Variants in MALRD1 observed in about 807,000 individuals in gnomAD.
MALRD1 encodes MAM and LDL receptor class A domain containing 1, also known as MAM and LDL-receptor class A domain-containing protein 1.
Under a neutral mutation model 242.1 loss-of-function variants are expected in MALRD1, and 247 were observed. That is an observed-to-expected ratio of 1.02 (90% CI 0.92 to 1.13). The LOEUF (loss-of-function observed/expected upper bound fraction) is 1.13, where lower values mean the gene tolerates loss of function less well. Ranked by LOEUF, MALRD1 falls within the 50% of genes most tolerant of loss-of-function variation. MALRD1 has a pLI of 0.00. For synonymous variants in MALRD1, 995 were observed against 866.6 expected, an observed-to-expected ratio of 1.15 and a Z score of -2.60; for missense variants, 2,989 against 2,533.1, an observed-to-expected ratio of 1.18 and a Z score of -3.86.
intron 31 of MALRD1, among the ~76,000 whole-genome samples, chr10:19,530,368 TA>T (rs1260694794): frequency 9.2e-6 from 1 of 108,644 alleles, no homozygotes; most frequent in Non-Finnish European, 1.6e-5. Flanking sequence ...TTTATATAAA[TA>T]TTTATATAAA....
At chr10:19,355,858 T>TATATATATATATATATATAGATA (rs57813656) in intron 26 of MALRD1, among the ~76,000 whole-genome samples, 1 of 94,924 alleles carries the variant, frequency 1.1e-5, no homozygotes. Context: ...TATATATATA[T>TATATATATATATATATATAGATA]TATATATGAT....
intron 21 of MALRD1, among the ~76,000 whole-genome samples, chr10:19,322,702 T>A (rs1842954682): frequency 6.6e-6 from 1 of 152,216 alleles, no homozygotes; most frequent in African/African-American, 2.4e-5. Flanking sequence ...CCTGCAAGAC[T>A]GAGCACTCAG....
chr10:19,590,402 A>T lies in MALRD1; in HGVS notation c.5681-4792A>T, dbSNP rs12248868. Among the ~76,000 whole-genome samples the T allele has an allele frequency of 3.9e-3, 576 of 147,932 alleles. 3 individuals are homozygous for T. The highest frequency in any genetic ancestry group is 0.014 in the African/African-American group (553 of 40,332). On this transcript the variant is annotated intron_variant, in intron 33 of 39. Coordinates refer to ENST00000454679, the MANE Select transcript of MALRD1 (RefSeq NM_001142308.3). ...TATTTTATATATGTATATATTTTAT[A>T]TAACATATATAGGTGGTTAGATATC...
intron 36 of MALRD1, among the ~76,000 whole-genome samples, chr10:19,661,934 C>A (rs2131735127): frequency 6.6e-6 from 1 of 152,156 alleles, no homozygotes; most frequent in South Asian, 2.1e-4. Context: ...ATGGCTAACA[C>A]CTAGATGAAC....
At chr10:19,346,631 T>C (rs1358999854) in intron 24 of MALRD1, among the ~76,000 whole-genome samples, 1 of 152,122 alleles carries the variant, frequency 6.6e-6, no homozygotes, top group Non-Finnish European at 1.5e-5. Flanking sequence ...TTGTTACTTA[T>C]CAAATTACTC....
chr10:19,543,869 A>G (rs1358043483), intron 32 of MALRD1, among the ~76,000 whole-genome samples: 1 of 152,164 alleles, frequency 6.6e-6, no homozygotes, highest in African/African-American at 2.4e-5. Context: ...CTGGGTTTCC[A>G]TCCTCAAGCC....
chr10:19,130,924 T>C (rs557149978), intron 8 of MALRD1, among the ~76,000 whole-genome samples: 30 of 152,194 alleles, frequency 2.0e-4, no homozygotes, highest in Admixed American at 5.2e-4. Flanking sequence ...ATCAAGATTC[T>C]GTCTCTCATA....
At chr10:19,360,139 A>C (rs540721253) in intron 26 of MALRD1, among the ~76,000 whole-genome samples, 1 of 152,238 alleles carries the variant, frequency 6.6e-6, no homozygotes, top group African/African-American at 2.4e-5. Flanking sequence ...TAAGCAGGAC[A>C]TCTGACTTTC....
intron 32 of MALRD1, among the ~76,000 whole-genome samples, chr10:19,552,161 G>C (rs549985238): frequency 6.6e-6 from 1 of 152,088 alleles, no homozygotes; most frequent in African/African-American, 2.4e-5. Flanking sequence ...GTTTCTCTAG[G>C]AATGGTACCA....
At chr10:19,511,289 A>T (rs779391392) in intron 31 of MALRD1, among the ~76,000 whole-genome samples, 1 of 152,180 alleles carries the variant, frequency 6.6e-6, no homozygotes, top group Non-Finnish European at 1.5e-5. Flanking sequence ...TTTTTGAGAC[A>T]TGGAGTCAAA....
intron 38 of MALRD1, among the ~76,000 whole-genome samples, chr10:19,700,153 C>T (rs1021483059): frequency 2.0e-5 from 3 of 152,008 alleles, no homozygotes; most frequent in East Asian, 1.9e-4. Flanking sequence ...ATAGAAGACA[C>T]CTCCCTACTG....
At chr10:19,724,482 C>T (rs2131919277) in intron 38 of MALRD1, among the ~76,000 whole-genome samples, 1 of 152,328 alleles carries the variant, frequency 6.6e-6, no homozygotes, top group South Asian at 2.1e-4. Context: ...GTCCTAGACA[C>T]TTCAGCATTC....
At position 19,204,299 on chromosome 10, in the gene MALRD1, T is replaced by A; in HGVS notation, c.2105-9T>A. The A allele has an allele frequency of 3.5e-6, 5 of 1,430,766 alleles. No homozygotes were observed. The highest frequency in any genetic ancestry group is 1.3e-5 in the South Asian group (1 of 75,052). 88.6% of individuals were successfully genotyped at this position (1,430,766 alleles called of 1,614,324 possible). ...ATGAAGCGTTTTTTTTTTTTTTTTATCTCAACAGGGCATTTTATGTTCATT... is the reference window on the plus strand; with the variant it reads ...ATGAAGCGTTTTTTTTTTTTTTTTAACTCAACAGGGCATTTTATGTTCATT... On this transcript the variant is annotated splice_polypyrimidine_tract_variant and intron_variant, in intron 15 of 39. Coordinates refer to ENST00000454679, the MANE Select transcript of MALRD1 (RefSeq NM_001142308.3).
chr10:19,196,859 T>C (rs886271870), intron 14 of MALRD1, among the ~76,000 whole-genome samples: 1 of 152,186 alleles, frequency 6.6e-6, no homozygotes, highest in Non-Finnish European at 1.5e-5. Flanking sequence ...ACCTTTGATA[T>C]CAATTAATCC....
At chr10:19,341,482 G>GTGTATATATA (rs1467954891) in intron 24 of MALRD1, among the ~76,000 whole-genome samples, 1 of 86,800 alleles carries the variant, frequency 1.2e-5, no homozygotes, top group African/African-American at 3.9e-5. Context: ...GTATATATAT[G>GTGTATATATA]TGTATATATA....
chr10:19,290,022 T>C (rs570377118), intron 21 of MALRD1, among the ~76,000 whole-genome samples: 4 of 152,172 alleles, frequency 2.6e-5, no homozygotes, highest in Non-Finnish European at 5.9e-5. Flanking sequence ...ATGCACTTAA[T>C]GAAACAATAA....
At chr10:19,668,774 C>CA (rs1037417969) in intron 36 of MALRD1, among the ~76,000 whole-genome samples, 5 of 150,524 alleles carry the variant, frequency 3.3e-5, no homozygotes, top group East Asian at 1.9e-4. Flanking sequence ...CCTTCTCCTC[C>CA]AAAAAAAGAG....
intron 18 of MALRD1, among the ~76,000 whole-genome samples, chr10:19,252,261 C>T (rs72796416): frequency 6.6e-6 from 1 of 151,972 alleles, no homozygotes; most frequent in Non-Finnish European, 1.5e-5. Context: ...ACCAATCTGA[C>T]TCAAGAGCAC....
In MALRD1 at chr10:19,643,730, C is replaced by T. The variant is rs75164850; in HGVS notation, c.6137+27807C>T. Among the ~76,000 whole-genome samples, 245 of 152,220 alleles carry T rather than the reference C, an allele frequency of 1.6e-3. 1 individual carries two copies. The highest frequency in any genetic ancestry group is 5.6e-3 in the African/African-American group (233 of 41,544). On this transcript the variant is annotated intron_variant, in intron 36 of 39. Transcript: ENST00000454679. ...AGTCCAGAAACACTGCCTATTCTGTCCCCTTCCTTGAAGCATGCATTGCGT... is the reference window on the plus strand; with the variant it reads ...AGTCCAGAAACACTGCCTATTCTGTTCCCTTCCTTGAAGCATGCATTGCGT...
Sources: gnomAD v4.1 joint callset for allele counts (sites outside exome capture counted in the v4.1 genomes callset) on GRCh38, gnomAD v4.1.1 for gene constraint, MANE v1.5 for transcripts, NCBI Gene and HGNC (gene_info 2026-07-23, HGNC 2026-07-21) for gene names.